Variants in ZNF730 observed in about 807,000 individuals in gnomAD.
The protein encoded by ZNF730 is putative zinc finger protein 730.
Under a neutral mutation model 12.6 loss-of-function variants are expected in ZNF730, and 12 were observed. That is an observed-to-expected ratio of 0.95 (90% confidence interval 0.61 to 1.54). ZNF730 has a LOEUF of 1.54. Among genes scored for constraint, ZNF730 ranks in the 40% most tolerant of loss-of-function variants. ZNF730 has a pLI of 0.00. For synonymous variants in ZNF730, 194 were observed against 195.8 expected (o/e 0.99, Z 0.08); for missense variants, 643 against 583.5 (o/e 1.10, Z -1.05).
At chr19:23,083,379 G>C (rs1970000367) in intron 1 of ZNF730, among the ~76,000 whole-genome samples, 1 of 152,140 alleles carries the variant, frequency 6.6e-6, no homozygotes, top group African/African-American at 2.4e-5. Context: ...AGCCGAGATT[G>C]TGCCACTTCA....
At chr19:23,125,195 C>T (rs936292608) in intron 1 of ZNF730, among the ~76,000 whole-genome samples, 5 of 152,136 alleles carry the variant, frequency 3.3e-5, no homozygotes, top group African/African-American at 9.7e-5. Flanking sequence ...TTTTTCTTCC[C>T]AGTCTCTGGT....
chr19:23,141,650 A>T (rs974571362), intron 3 of ZNF730, among the ~76,000 whole-genome samples: 6 of 152,070 alleles, frequency 3.9e-5, no homozygotes, highest in Middle Eastern at 3.2e-3. Context: ...ATATTTGTGA[A>T]TTTTTTTAGT....
chr19:23,136,234 T>C (rs1187235510), intron 3 of ZNF730, 191 bp downstream of exon 3: 1 of 337,794 alleles, frequency 3.0e-6, no homozygotes, highest in South Asian at 5.8e-5. Flanking sequence ...TTTATCTTTT[T>C]TAAAATCTCT....
At chr19:23,103,061 T>G (rs1377591362) in intron 1 of ZNF730, among the ~76,000 whole-genome samples, 3 of 152,202 alleles carry the variant, frequency 2.0e-5, no homozygotes, top group Non-Finnish European at 4.4e-5. Flanking sequence ...CAGGGTCCAC[T>G]GGTAAGTCCT....
intron 1 of ZNF730, among the ~76,000 whole-genome samples, chr19:23,098,147 A>T (rs78034709): frequency 7.0e-6 from 1 of 142,770 alleles, no homozygotes; most frequent in Non-Finnish European, 1.5e-5. Context: ...CTGTCTCAAG[A>T]AAAAAAAAAA....
chr19:23,091,589 G>C (rs1676466), intron 1 of ZNF730, among the ~76,000 whole-genome samples: 64,722 of 152,102 alleles, frequency 0.43, 15,563 homozygotes, highest in African/African-American at 0.67. Context: ...TTGCATCAGC[G>C]TGACCTGGAT....
chr19:23,116,521 C>G (rs2145590638), upstream of ZNF730, among the ~76,000 whole-genome samples: 1 of 150,018 alleles, frequency 6.7e-6, no homozygotes, highest in East Asian at 2.0e-4. Flanking sequence ...ATTCCCCTGC[C>G]TTAGCCTCCC....
chr19:23,138,054 C>T lies in ZNF730; in HGVS notation c.226+2011C>T, dbSNP rs1287662119. On this transcript the variant is annotated intron_variant, in intron 3 of 3. Coordinates refer to ENST00000597761, the MANE Select transcript of ZNF730 (RefSeq NM_001277403.2). ...ATCCCAGCACTTTGGGAGGCCGAGG[C>T]GGGCGGATCACGAGGTCAGGAGATC... is the stretch of plus-strand genomic sequence containing the variant. Among the ~76,000 whole-genome samples, 2 of 15,540 alleles carry T rather than the reference C, an allele frequency of 1.3e-4. 1 individual carries two copies. The highest frequency in any genetic ancestry group is 0.011 in the East Asian group (2 of 180). 10.2% of individuals were successfully genotyped at this position (15,540 alleles called of 152,430 possible). A position where few individuals can be genotyped will look rare whatever the true frequency, so the allele number is the denominator to read the frequency against.
At chr19:23,084,176 T>C (rs1266184016) in intron 1 of ZNF730, among the ~76,000 whole-genome samples, 1 of 152,210 alleles carries the variant, frequency 6.6e-6, no homozygotes, top group Non-Finnish European at 1.5e-5. Context: ...GAAGAGATTG[T>C]CTTTTCCCCA....
chr19:23,146,308 A>G lies in ZNF730; in HGVS notation c.1264A>G (p.Lys422Glu). The G allele has an allele frequency of 6.2e-7, 1 of 1,613,558 alleles. No individual in the cohort carries two copies. Among genetic ancestry groups the G allele is most frequent in the Non-Finnish European group, 8.5e-7 (1 of 1,179,708 alleles). Reference protein sequence around the residue: ...TTHKRIHTGEKPYKCEECGRA... With the variant: ...TTHKRIHTGEEPYKCEECGRA... ...ACATAAGAGAATTCATACTGGAGAG[A>G]AACCCTACAAATGTGAAGAATGTGG... Residue 422 changes from lysine (K) to glutamate (E), a missense_variant, in exon 4 of 4, where the codon AAA (lysine) becomes GAA (glutamate). Coordinates refer to ENST00000597761, the MANE Select transcript of ZNF730 (RefSeq NM_001277403.2).
intron 1 of ZNF730, among the ~76,000 whole-genome samples, chr19:23,096,536 C>T (rs1970255184): frequency 6.6e-6 from 1 of 152,166 alleles, no homozygotes; most frequent in South Asian, 2.1e-4. Flanking sequence ...TGTGACTCTT[C>T]TCTCATGCAT....
intron 3 of ZNF730, among the ~76,000 whole-genome samples, chr19:23,142,643 G>A (rs1366982447): frequency 5.7e-5 from 8 of 140,180 alleles, no homozygotes; most frequent in Admixed American, 5.2e-4. Flanking sequence ...AGCCAAGATC[G>A]CGCCGCTGCA....
chr19:23,116,299 T>TTTTTCTTTTCTTTTCTTTTCTTTTC (rs565630328), upstream of ZNF730, among the ~76,000 whole-genome samples: 5,036 of 149,050 alleles, frequency 0.034, 105 homozygotes, highest in Non-Finnish European at 0.044. Flanking sequence ...GTTATTCTGC[T>TTTTTCTTTTCTTTTCTTTTCTTTTC]TTTTCTTTTC....
chr19:23,122,117 C>T (rs1286580234), intron 1 of ZNF730, among the ~76,000 whole-genome samples: 4 of 124,492 alleles, frequency 3.2e-5, no homozygotes, highest in Non-Finnish European at 6.8e-5. Context: ...AAAGTAGACA[C>T]AAATTTGTTT....
rs527471581 is a variant in ZNF730, at chr19:23,133,630, C to G, written c.4-450C>G. 1.8e-4 allele frequency among the ~76,000 whole-genome samples: 27 copies of G among 152,342 alleles called. No individual in the cohort carries two copies. The South Asian group carries it at 5.6e-3, about 32-fold the overall frequency. Reference sequence around the variant, plus strand: ...GTGCTGGGATTACAGGCATGAGCCACCGCACCAAGATCCAGAAACTCAGGC... The same window carrying G: ...GTGCTGGGATTACAGGCATGAGCCAGCGCACCAAGATCCAGAAACTCAGGC... On this transcript the variant is annotated intron_variant, in intron 1 of 3. Transcript: ENST00000597761.
intron 1 of ZNF730, among the ~76,000 whole-genome samples, chr19:23,087,106 A>T (rs2963070): frequency 0.45 from 68,313 of 151,964 alleles, 18,058 homozygotes; most frequent in African/African-American, 0.75. Flanking sequence ...CATTAATGTA[A>T]AAAAATGCTA....
chr19:23,127,227 G>GT, intron 1 of ZNF730: 1 of 623,840 alleles, frequency 1.6e-6, no homozygotes, highest in Admixed American at 2.2e-5. Flanking sequence ...ATTTAACCAT[G>GT]TTTTTAAAGA....
rs752480467 is a variant in ZNF730, at chr19:23,107,475, A to AAAAAAAAAAAAAAAC, written c.-93-26605_-93-26604insAAAAAAAAAAAAAAC. On this transcript the variant is annotated intron_variant, in intron 1 of 2. Transcript: ENST00000593635. ...AAAAAAAAAAAAAAAAAAAAAAAAA[A>AAAAAAAAAAAAAAAC]CCACCACAGCTCTGTTTTTTGTTAT... Among the ~76,000 whole-genome samples, 6 of 118,934 alleles carry AAAAAAAAAAAAAAAC rather than the reference A, an allele frequency of 5.0e-5. 1 individual carries two copies. The highest frequency in any genetic ancestry group is 9.2e-5 in the Non-Finnish European group (5 of 54,424). 78.0% of individuals were successfully genotyped at this position (118,934 alleles called of 152,430 possible).
At chr19:23,112,739 A>G (rs1267818783), upstream of ZNF730, among the ~76,000 whole-genome samples, 2 of 151,974 alleles carry the variant, frequency 1.3e-5, no homozygotes, top group Admixed American at 6.6e-5. Context: ...ATAGAAGAAA[A>G]AAAAAAAAAA....
Sources: allele counts gnomAD v4.1 joint callset (sites outside exome capture counted in the v4.1 genomes callset), GRCh38; gene constraint gnomAD v4.1.1; transcripts MANE v1.5; gene names NCBI Gene and HGNC (gene_info 2026-07-23, HGNC 2026-07-21).